The following MFN1 variants were observed in gnomAD, a reference collection of about 807,000 sequenced individuals.
MFN1 encodes the protein mitofusin-1.
In MFN1, 65 loss-of-function variants were observed where a neutral mutation model predicts 92.4. The observed-to-expected ratio is 0.70, with a 90% CI of 0.58 to 0.86. The LOEUF is 0.86. Among genes scored for constraint, MFN1 ranks in the 40% least tolerant of loss-of-function variants. MFN1 has a pLI of 0.00. For missense variants in MFN1, 781 were observed against 868.0 expected, an observed-to-expected ratio of 0.90 and a Z score of 1.26; for synonymous variants, 297 against 300.9, an observed-to-expected ratio of 0.99 and a Z score of 0.13.
intron 16 of MFN1, among the ~76,000 whole-genome samples, chr3:179,388,953 A>G (rs889013280): frequency 6.6e-6 from 1 of 151,164 alleles, no homozygotes; most frequent in Non-Finnish European, 1.5e-5. Context: ...ATAATTAGGA[A>G]TTCCGAGAGT....
chr3:179,386,656 TA>T (rs758602807), intron 16 of MFN1, 27 bp downstream of exon 16: 16 of 1,563,134 alleles, frequency 1.0e-5, no homozygotes, highest in African/African-American at 5.5e-5. Context: ...ATCTTTCCTT[TA>T]AAAAAAAGTT....
chr3:179,385,599 G>A lies in MFN1; in HGVS notation c.1693G>A (p.Ala565Thr). Residue 565 changes from alanine to threonine, a missense_variant, in exon 15 of 18, where the codon GCT becomes ACT. Transcript: ENST00000471841. ...LPRSLASTPTAPTTPATPDNA... is the reference protein window; with the variant it reads ...LPRSLASTPTTPTTPATPDNA... ...TAGATCTTTAGCTTCTACTCCCACTGCTCCTACCACTCCAGCAACGCCAGA... is the reference window on the plus strand; with the variant it reads ...TAGATCTTTAGCTTCTACTCCCACTACTCCTACCACTCCAGCAACGCCAGA... The A allele has an allele frequency of 6.2e-7, 1 of 1,609,032 alleles. No homozygotes were observed. The highest frequency in any genetic ancestry group is 8.5e-7 in the Non-Finnish European group (1 of 1,178,954).
chr3:179,376,942 T>G, intron 10 of MFN1, 100 bp from the exon 11 acceptor site: 1 of 1,134,246 alleles, frequency 8.8e-7, no homozygotes, highest in Non-Finnish European at 1.2e-6. Context: ...TTTCCTTGAG[T>G]CATGCTAATA....
intron 3 of MFN1, among the ~76,000 whole-genome samples, chr3:179,355,095 C>T (rs1056827265): frequency 2.0e-5 from 3 of 152,164 alleles, no homozygotes; most frequent in Non-Finnish European, 4.4e-5. Flanking sequence ...CCGTGCCCAG[C>T]TGGTACCTCC....
intron 17 of MFN1, among the ~76,000 whole-genome samples, chr3:179,391,622 A>C (rs1713905189): frequency 1.3e-5 from 2 of 152,154 alleles, no homozygotes; most frequent in African/African-American, 4.8e-5. Flanking sequence ...TGGGAAACAA[A>C]TCTGTTTTTC....
intron 16 of MFN1, 102 bp from the exon 17 acceptor site, chr3:179,389,902 G>T: frequency 9.3e-7 from 1 of 1,071,530 alleles, no homozygotes; most frequent in Non-Finnish European, 1.4e-6. Flanking sequence ...CTATAGTTTA[G>T]AAGTTTTTTA....
At chr3:179,365,063 C>A in intron 6 of MFN1, 55 bp from the exon 7 acceptor site, 2 of 1,002,682 alleles carry the variant, frequency 2.0e-6, no homozygotes, top group South Asian at 2.0e-5. Context: ...AATAAAATTT[C>A]AATTATAAAT....
chr3:179,375,396 G>T lies in MFN1; in HGVS notation c.1097+55G>T. ...ATGTTAGTTTTTTTGTCAGACTTTTGTTAAGATGAGGTTTTAAATTGTTGT... is the reference window on the plus strand; with the variant it reads ...ATGTTAGTTTTTTTGTCAGACTTTTTTTAAGATGAGGTTTTAAATTGTTGT... On this transcript the variant is annotated intron_variant, in intron 10 of 17. Coordinates refer to ENST00000471841, the MANE Select transcript of MFN1 (RefSeq NM_033540.3). 3.8e-6 allele frequency: 6 copies of T among 1,598,508 alleles called. No homozygotes were observed. In the South Asian group the frequency reaches 6.7e-5, roughly 18 times the overall value.
chr3:179,360,665 A>G (rs1560191756), intron 4 of MFN1, among the ~76,000 whole-genome samples: 2 of 152,192 alleles, frequency 1.3e-5, no homozygotes, highest in African/African-American at 2.4e-5. Context: ...TTGAGTCTAA[A>G]GATCTCTTCC....
In MFN1 at chr3:179,375,271, A is replaced by G; in HGVS notation, c.1027A>G (p.Arg343Gly). The change falls in exon 10 of 18, where the codon AGA (arginine) becomes GGA (glycine). Residue 343 changes from arginine to glycine, a missense_variant. Transcript: ENST00000471841. ...VKTKFEQHTI[R>G]AKQILATVKN... ...AACAAAGTTCGAACAGCACACTATC[A>G]GAGCTAAACAGATACTAGCTACTGT... 6.2e-7 allele frequency: 1 copy of G among 1,614,014 alleles called. No individual in the cohort carries two copies. The highest frequency in any genetic ancestry group is 8.5e-7 in the Non-Finnish European group (1 of 1,179,944).
intron 3 of MFN1, among the ~76,000 whole-genome samples, chr3:179,355,939 G>A (rs1712330797): frequency 1.3e-5 from 2 of 151,948 alleles, no homozygotes; most frequent in African/African-American, 2.4e-5. Context: ...GCCACAGAAG[G>A]AGACTCCATC....
intron 7 of MFN1, 50 bp downstream of exon 7, chr3:179,365,275 T>C: frequency 2.9e-6 from 3 of 1,035,598 alleles, no homozygotes; most frequent in Non-Finnish European, 4.2e-6. Context: ...GTCACATACA[T>C]TGTTATTTGA....
rs1254519690 is a variant in MFN1, at chr3:179,392,415, C to T, written c.*356C>T. The T allele has an allele frequency of 6.0e-6, 1 of 165,934 alleles. No individual in the cohort carries two copies. The highest frequency in any genetic ancestry group is 1.3e-5 in the Non-Finnish European group (1 of 77,596). The allele number at this position is 165,934 out of a possible 1,614,324, so 10.3% of individuals were successfully genotyped here. A position where few individuals can be genotyped will look rare whatever the true frequency, so the allele number is the denominator to read the frequency against. ...AGTTAGAGATTGAGCCTTTCATCTT[C>T]TTTCTCAAAACTAGTTTTTGATGCT... On this transcript the variant is annotated 3_prime_UTR_variant, in exon 18 of 18. Transcript: ENST00000471841.
chr3:179,392,240 T>TC lies in MFN1; in HGVS notation c.*181_*182insC, dbSNP rs1430341451. On this transcript the variant is annotated 3_prime_UTR_variant, in exon 18 of 18. Transcript: ENST00000471841. ...GTATGTGTATTTTTGAAGAGTGTTA[T>TC]GTCCTTAGTTTTAATTTTGAGTAAA... The TC allele has an allele frequency of 4.6e-6, 2 of 436,782 alleles. No individual in the cohort carries two copies. Among genetic ancestry groups the TC allele is most frequent in the Non-Finnish European group, 8.2e-6 (2 of 242,622 alleles). The allele number at this position is 436,782 out of a possible 1,614,324, so 27.1% of individuals were successfully genotyped here. A position where few individuals can be genotyped will look rare whatever the true frequency, so the allele number is the denominator to read the frequency against.
chr3:179,361,763 C>CCT (rs1712590298), intron 4 of MFN1, among the ~76,000 whole-genome samples: 1 of 152,128 alleles, frequency 6.6e-6, no homozygotes, highest in Admixed American at 6.5e-5. Context: ...TCTCAAAACT[C>CCT]CTGACCTCAG....
Position 179,378,645 on chromosome 3 carries a change from G to C in MFN1, c.1493G>C (p.Cys498Ser). 6.2e-7 allele frequency: 1 copy of C among 1,613,734 alleles called. No individual in the cohort carries two copies. Among genetic ancestry groups the C allele is most frequent in the Non-Finnish European group, 8.5e-7 (1 of 1,179,810 alleles). Residue 498 changes from cysteine to serine, a missense_variant, in exon 14 of 18, where the codon TGC (cysteine) becomes TCC (serine). Coordinates refer to ENST00000471841, the MANE Select transcript of MFN1 (RefSeq NM_033540.3). The stretch of plus-strand genomic sequence containing the variant: ...GATAAACTACATACACTGATCCCTT[G>C]CAAGAAATTTGATCTCAGTTATAAT... ...IQDKLHTLIP[C>S]KKFDLSYNLN... is the part of the protein sequence containing the mutation.
intron 9 of MFN1, among the ~76,000 whole-genome samples, chr3:179,374,009 T>C (rs2108544313): frequency 6.6e-6 from 1 of 150,876 alleles, no homozygotes; most frequent in South Asian, 2.1e-4. Context: ...TCATAGTAAA[T>C]ATATATTTAT....
chr3:179,349,071 C>T (rs1161504960), intron 2 of MFN1, 108 bp downstream of exon 2: 1 of 784,222 alleles, frequency 1.3e-6, no homozygotes, highest in East Asian at 2.7e-5. Flanking sequence ...ATACTGTATA[C>T]TATGAGAAGT....
intron 9 of MFN1, among the ~76,000 whole-genome samples, chr3:179,372,668 C>G (rs574900651): frequency 2.4e-4 from 37 of 152,250 alleles, no homozygotes; most frequent in African/African-American, 8.2e-4. Flanking sequence ...TTGAATCAGA[C>G]AGTAACTTAT....
Sources: allele counts gnomAD v4.1 joint callset (sites outside exome capture counted in the v4.1 genomes callset), GRCh38; gene constraint gnomAD v4.1.1; transcripts MANE v1.5; gene names NCBI Gene and HGNC (gene_info 2026-07-23, HGNC 2026-07-21).